The following STIM1 variants were observed in gnomAD, a reference collection of about 807,000 sequenced individuals.
STIM1 encodes stromal interaction molecule 1.
A neutral mutation model predicts 74.7 loss-of-function variants in STIM1; 25 were observed. That is an observed-to-expected ratio of 0.33 (90% confidence interval 0.24 to 0.47). The LOEUF (loss-of-function observed/expected upper bound fraction) is 0.47. Ranked by LOEUF, STIM1 falls within the 20% of genes least tolerant of loss-of-function variation. STIM1 has a pLI of 1.00. For missense variants in STIM1, 728 were observed against 920.8 expected (o/e 0.79, Z 2.71); for synonymous variants, 328 against 348.8 (o/e 0.94, Z 0.66).
At chr11:3,993,657 A>G (rs1052598152) in intron 2 of STIM1, among the ~76,000 whole-genome samples, 1 of 152,206 alleles carries the variant, frequency 6.6e-6, no homozygotes, top group Non-Finnish European at 1.5e-5. Flanking sequence ...CTCTGTCTCA[A>G]AAAAACAAAA....
At chr11:3,859,917 A>T (rs1158640563) in intron 1 of STIM1, among the ~76,000 whole-genome samples, 1 of 152,206 alleles carries the variant, frequency 6.6e-6, no homozygotes, top group East Asian at 1.9e-4. Flanking sequence ...AGGTTAATTG[A>T]TTCAGCAAAC....
intron 2 of STIM1, chr11:3,972,845 G>A (rs2093409711): frequency 2.1e-6 from 1 of 475,574 alleles, no homozygotes; most frequent in South Asian, 1.6e-5. Context: ...AACCACCATA[G>A]CTGCCTTGGT....
At position 3,954,106 on chromosome 11, in the gene STIM1, G is replaced by A. The variant is rs148640941; in HGVS notation, c.140-13446G>A. ...TTCTGATCTTTTAATAAGTCAAGTT[G>A]TGTGAGATGCTGTGCTCCTTGCCTT... On this transcript the variant is annotated intron_variant, in intron 1 of 12. Coordinates refer to ENST00000526596, the MANE Select transcript of STIM1 (RefSeq NM_001382567.1). Among the ~76,000 whole-genome samples, 159 of 152,244 alleles carry A rather than the reference G, an allele frequency of 1.0e-3. 1 individual carries two copies. Among genetic ancestry groups the A allele is most frequent in the Non-Finnish European group, 1.6e-3 (112 of 68,010 alleles).
At chr11:3,876,761 C>G (rs1036436055) in intron 1 of STIM1, among the ~76,000 whole-genome samples, 6 of 152,092 alleles carry the variant, frequency 3.9e-5, no homozygotes, top group Non-Finnish European at 5.9e-5. Context: ...TGATATCTAC[C>G]TACTAAATAC....
At chr11:3,963,419 C>A (rs373305858) in intron 1 of STIM1, among the ~76,000 whole-genome samples, 90 of 152,260 alleles carry the variant, frequency 5.9e-4, no homozygotes, top group African/African-American at 1.9e-3. Flanking sequence ...GACATGATCT[C>A]GTTCTTTTTT....
intron 1 of STIM1, among the ~76,000 whole-genome samples, chr11:3,936,112 T>C (rs73427512): frequency 0.065 from 9,910 of 152,254 alleles, 1,002 homozygotes; most frequent in African/African-American, 0.22. Flanking sequence ...AATCAAGATA[T>C]AGAACATTTT....
At chr11:4,035,005 A>G (rs952023776) in intron 3 of STIM1, among the ~76,000 whole-genome samples, 1 of 151,978 alleles carries the variant, frequency 6.6e-6, no homozygotes, top group African/African-American at 2.4e-5. Context: ...GTCTTATTAG[A>G]TCTTTGTTAA....
chr11:4,076,876 C>G (rs943598466), intron 7 of STIM1, among the ~76,000 whole-genome samples: 1 of 151,472 alleles, frequency 6.6e-6, no homozygotes, highest in African/African-American at 2.4e-5. Flanking sequence ...TTTAATTTCA[C>G]TAAGATCAGA....
At chr11:3,996,787 T>A (rs1453393333) in intron 2 of STIM1, among the ~76,000 whole-genome samples, 1 of 152,176 alleles carries the variant, frequency 6.6e-6, no homozygotes, top group Admixed American at 6.5e-5. Context: ...TACTGGAGAG[T>A]GGGTCTGTGG....
At chr11:3,859,456 A>G (rs1448013726) in intron 1 of STIM1, among the ~76,000 whole-genome samples, 1 of 152,202 alleles carries the variant, frequency 6.6e-6, no homozygotes, top group Non-Finnish European at 1.5e-5. Flanking sequence ...GACTCTAGAA[A>G]ACAACAATGG....
chr11:3,873,920 T>C (rs2091224201), intron 1 of STIM1, among the ~76,000 whole-genome samples: 1 of 152,168 alleles, frequency 6.6e-6, no homozygotes, highest in African/African-American at 2.4e-5. Flanking sequence ...AGGCTTTCCC[T>C]GGGGGCTCCT....
chr11:3,950,570 G>A (rs1369193897), intron 1 of STIM1, among the ~76,000 whole-genome samples: 2 of 152,156 alleles, frequency 1.3e-5, no homozygotes, highest in East Asian at 1.9e-4. Context: ...TTATGTACAG[G>A]TTTTTGTGTG....
intron 1 of STIM1, among the ~76,000 whole-genome samples, chr11:3,942,145 G>C (rs1446583067): frequency 6.6e-6 from 1 of 152,198 alleles, no homozygotes; most frequent in Non-Finnish European, 1.5e-5. Context: ...AGGTAGGGTA[G>C]AATTTGATCA....
At chr11:4,055,183 T>C (rs938944632) in intron 3 of STIM1, among the ~76,000 whole-genome samples, 1 of 152,256 alleles carries the variant, frequency 6.6e-6, no homozygotes, top group Non-Finnish European at 1.5e-5. Context: ...TACAGTTTGA[T>C]GCATTTTGAC....
chr11:3,882,155 A>C (rs1258967682), intron 1 of STIM1, among the ~76,000 whole-genome samples: 2 of 136,412 alleles, frequency 1.5e-5, no homozygotes, highest in African/African-American at 5.7e-5. Flanking sequence ...GCTGGAGTGC[A>C]ATGGTGCGAT....
chr11:3,926,062 C>A (rs936087799), intron 1 of STIM1, among the ~76,000 whole-genome samples: 2 of 151,936 alleles, frequency 1.3e-5, no homozygotes, highest in Admixed American at 1.3e-4. Context: ...TTGTTACTTG[C>A]TATTTATTTT....
At chr11:3,971,441 A>G (rs1001255740) in intron 2 of STIM1, among the ~76,000 whole-genome samples, 2 of 152,184 alleles carry the variant, frequency 1.3e-5, no homozygotes, top group Admixed American at 6.5e-5. Context: ...AGGCAGGAGA[A>G]TGGCGTGAGC....
intron 1 of STIM1, among the ~76,000 whole-genome samples, chr11:3,911,027 A>G (rs2092554195): frequency 6.6e-6 from 1 of 152,078 alleles, no homozygotes; most frequent in South Asian, 2.1e-4. Flanking sequence ...TAACAAATCT[A>G]CAAGTCTCAT....
intron 1 of STIM1, among the ~76,000 whole-genome samples, chr11:3,908,990 G>A (rs551253428): frequency 1.9e-4 from 29 of 152,282 alleles, no homozygotes; most frequent in Non-Finnish European, 3.7e-4. Context: ...TGATGATTTG[G>A]AAGTTTTTCT....
Sources: gnomAD v4.1 joint callset for allele counts (sites outside exome capture counted in the v4.1 genomes callset) on GRCh38, gnomAD v4.1.1 for gene constraint, MANE v1.5 for transcripts, NCBI Gene and HGNC (gene_info 2026-07-23, HGNC 2026-07-21) for gene names.